ANPEP: variants seen among roughly 807,000 people sequenced by gnomAD.
ANPEP encodes the protein aminopeptidase N.
Under a neutral mutation model 114.6 loss-of-function variants are expected in ANPEP, and 70 were observed. That is an observed-to-expected ratio of 0.61 (90% CI 0.50 to 0.75). ANPEP has a LOEUF of 0.75. Ranked by LOEUF, ANPEP falls within the 30% of genes least tolerant of loss-of-function variation. The pLI, the probability that ANPEP is intolerant of heterozygous loss-of-function variation, is 0.00. For missense variants in ANPEP, 1,184 were observed against 1,259.5 expected, an observed-to-expected ratio of 0.94 and a Z score of 0.91; for synonymous variants, 548 against 522.3, an observed-to-expected ratio of 1.05 and a Z score of -0.67.
chr15:89,787,040 C>CT (rs1015822999), intron 20 of ANPEP, among the ~76,000 whole-genome samples: 3,063 of 90,970 alleles, frequency 0.034, 309 homozygotes, highest in East Asian at 0.27. Flanking sequence ...TAATAAAACT[C>CT]TTTTTTTTTT....
intron 18 of ANPEP, 61 bp from the exon 19 acceptor site, chr15:89,791,154 G>A (rs1968616272): frequency 1.3e-6 from 2 of 1,587,336 alleles, no homozygotes; most frequent in African/African-American, 1.3e-5. Context: ...AGAGAACTTG[G>A]ACTGTCCCAC....
Position 89,801,423 on chromosome 15 carries a change from C to G in ANPEP, c.1742+12G>C. ...CCCACCTGACCATGCCTCAGTGACC[C>G]CATCTGCTCACTTGAATTCTGAGGG... On this transcript the variant is annotated intron_variant, in intron 11 of 20. Transcript: ENST00000300060. 6.2e-7 allele frequency: 1 copy of G among 1,613,672 alleles called. No individual in the cohort carries two copies. Among genetic ancestry groups the G allele is most frequent in the Non-Finnish European group, 8.5e-7 (1 of 1,179,754 alleles).
chr15:89,789,535 G>A (rs1968573956), intron 20 of ANPEP, among the ~76,000 whole-genome samples: 3 of 152,040 alleles, frequency 2.0e-5, no homozygotes, highest in East Asian at 2.0e-4. Context: ...CACTTTGGGA[G>A]ACCGAGGTGG....
intron 10 of ANPEP, chr15:89,802,555 T>C (rs1195479300): frequency 1.2e-4 from 18 of 152,878 alleles, no homozygotes; most frequent in Non-Finnish European, 2.6e-4. Flanking sequence ...GGAGAGGACA[T>C]GTCTGTCCTC....
rs1042598649 is a variant in ANPEP at position 89,785,471 on chromosome 15, T to C, written c.2782A>G (p.Thr928Ala). ...GCCCGGGTGCCTGAGCCGAAGCCTG[T>C]TTCCTCGTTGTCCTTCTTGAACTGC... ...LEQFKKDNEE[T>A]GFGSGTRALE... The change falls in exon 21 of 21, where the codon ACA becomes GCA. Residue 928 changes from threonine (T) to alanine (A), a missense_variant. By Grantham distance (58) the Thr-to-Ala change is moderately conservative. Coordinates refer to ENST00000300060, the MANE Select transcript of ANPEP (RefSeq NM_001150.3). 2.5e-6 allele frequency: 4 copies of C among 1,613,984 alleles called. No individual in the cohort carries two copies. The highest frequency in any genetic ancestry group is 3.4e-6 in the Non-Finnish European group (4 of 1,179,934).
At chr15:89,792,950 G>T (rs1968660959) in intron 16 of ANPEP, 85 bp downstream of exon 16, 2 of 1,201,156 alleles carry the variant, frequency 1.7e-6, no homozygotes, top group Non-Finnish European at 1.2e-6. Context: ...CGCATTGAGA[G>T]CTGCGGCAGA....
chr15:89,793,731 A>C (rs541994427), intron 15 of ANPEP, among the ~76,000 whole-genome samples: 3 of 150,486 alleles, frequency 2.0e-5, no homozygotes, highest in Non-Finnish European at 3.0e-5. Context: ...AAATTCCATG[A>C]CTTATTGTAG....
chr15:89,785,542 T>C (rs1184845377), intron 20 of ANPEP, 41 bp from the exon 21 acceptor site: 10 of 1,517,628 alleles, frequency 6.6e-6, no homozygotes, highest in Non-Finnish European at 8.8e-6. Context: ...GCTGGGTCCC[T>C]AACAGCCTTG....
chr15:89,785,498 C>G lies in ANPEP; in HGVS notation c.2755G>C (p.Glu919Gln). 1.2e-6 allele frequency: 2 copies of G among 1,613,786 alleles called. No individual in the cohort carries two copies. Among genetic ancestry groups the G allele is most frequent in the Non-Finnish European group, 1.7e-6 (2 of 1,179,854 alleles). ...TCCTCGTTGTCCTTCTTGAACTGCTCCAGCTGCCAGAAAAACAAAAGATTC... is the reference window on the plus strand; with the variant it reads ...TCCTCGTTGTCCTTCTTGAACTGCTGCAGCTGCCAGAAAAACAAAAGATTC... ...FSTEYELQQL[E>Q]QFKKDNEETG... The change falls in exon 21 of 21, where the codon GAG becomes CAG. Residue 919 changes from glutamate (E) to glutamine (Q), a missense_variant. Transcript: ENST00000300060.
rs368934787 is a variant in ANPEP, at chr15:89,790,508, G to T, written c.2703C>A (p.Leu901=). 60 of 1,613,984 alleles carry T rather than the reference G, an allele frequency of 3.7e-5. No homozygotes were observed. Among genetic ancestry groups the T allele is most frequent in the Non-Finnish European group, 4.9e-5 (58 of 1,179,980 alleles). Residue 901 remains leucine (L), a synonymous_variant, in exon 20 of 21, where the codon CTC becomes CTA. Coordinates refer to ENST00000300060, the MANE Select transcript of ANPEP (RefSeq NM_001150.3). ...YGGGSFSFSN[L]IQAVTRRFST... is the part of the protein sequence containing the mutation. ...AGAATCGTCGTGTCACTGCCTGGAT[G>T]AGGTTGGAGAAGGAGAACGAGCCAC...
At chr15:89,808,322 A>G (rs960696659) in intron 1 of ANPEP, among the ~76,000 whole-genome samples, 1 of 152,142 alleles carries the variant, frequency 6.6e-6, no homozygotes, top group Non-Finnish European at 1.5e-5. Context: ...TCAAGCTCCT[A>G]TGAGCTCCAT....
chr15:89,793,226 G>A (rs575813661), intron 15 of ANPEP, 100 bp from the exon 16 acceptor site: 23 of 1,030,650 alleles, frequency 2.2e-5, no homozygotes, highest in Admixed American at 7.8e-5. Flanking sequence ...TGGCAGAGAC[G>A]TCAGAGGTCA....
chr15:89,785,217 G>T lies in ANPEP; in HGVS notation c.*132C>A. The T allele has an allele frequency of 3.3e-6, 4 of 1,217,240 alleles. No individual in the cohort carries two copies. Among genetic ancestry groups the T allele is most frequent in the Non-Finnish European group, 4.7e-6 (4 of 859,550 alleles). 75.4% of individuals were successfully genotyped at this position (1,217,240 alleles called of 1,614,324 possible). ...CTGGCTCACAGGCAGAGAGAACGTG[G>T]GCTGGAGACTTTGTCCTTGAGGGGA... On this transcript the variant is annotated 3_prime_UTR_variant, in exon 21 of 21. Coordinates refer to ENST00000300060, the MANE Select transcript of ANPEP (RefSeq NM_001150.3).
chr15:89,802,229 C>A (rs761268723), intron 10 of ANPEP, among the ~76,000 whole-genome samples: 2 of 152,036 alleles, frequency 1.3e-5, no homozygotes, highest in Non-Finnish European at 2.9e-5. Context: ...GGCTGCCGGC[C>A]GAGGGTCTCA....
intron 1 of ANPEP, among the ~76,000 whole-genome samples, chr15:89,813,097 A>G (rs1894844425): frequency 6.6e-6 from 1 of 152,094 alleles, no homozygotes; most frequent in Admixed American, 6.5e-5. Flanking sequence ...GGCTAGGGAT[A>G]GATGGCTGCC....
Position 89,799,580 on chromosome 15 carries a change from T to G in ANPEP, c.1820-21A>C, listed in dbSNP as rs774110948. The G allele has an allele frequency of 1.9e-6, 3 of 1,614,112 alleles. No individual in the cohort carries two copies. Among genetic ancestry groups the G allele is most frequent in the African/African-American group, 1.3e-5 (1 of 75,042 alleles). On this transcript the variant is annotated intron_variant, in intron 12 of 20. Transcript: ENST00000300060. This position sits in a 1 kb window ranked among gnomAD's most constrained non-coding sequence, Gnocchi z 4.2. ...CTGGGCTGTGGAGAGGGACGAGACC[T>G]GGGCAGGGCTGCTCAGAGGCCATGG...
chr15:89,800,305 A>G (rs2141803015), intron 12 of ANPEP, among the ~76,000 whole-genome samples: 1 of 152,012 alleles, frequency 6.6e-6, no homozygotes, highest in South Asian at 2.1e-4. Context: ...GCCCTCCCTG[A>G]CCTCTCCATG....
At chr15:89,786,306 G>T (rs759531410) in intron 20 of ANPEP, among the ~76,000 whole-genome samples, 34 of 150,836 alleles carry the variant, frequency 2.3e-4, no homozygotes, top group Middle Eastern at 3.2e-3. Flanking sequence ...TGTGTCCATG[G>T]ACTGGAAGAT....
intron 20 of ANPEP, among the ~76,000 whole-genome samples, chr15:89,786,772 A>G (rs1316165196): frequency 2.0e-5 from 3 of 152,298 alleles, no homozygotes; most frequent in Admixed American, 2.0e-4. Flanking sequence ...TCAGGACAGT[A>G]TGGTACAGGC....
Sources: allele counts gnomAD v4.1 joint callset (sites outside exome capture counted in the v4.1 genomes callset), GRCh38; gene constraint gnomAD v4.1.1; non-coding constraint Gnocchi (gnomAD v3.1); transcripts MANE v1.5; gene names NCBI Gene and HGNC (gene_info 2026-07-23, HGNC 2026-07-21).